CPED1: variants seen among roughly 807,000 people sequenced by gnomAD.
CPED1 encodes the protein cadherin-like and PC-esterase domain-containing protein 1.
CPED1 carries 114 observed loss-of-function variants against 128.2 expected under a neutral mutation model. The observed-to-expected ratio is 0.89, with a 90% confidence interval of 0.76 to 1.04. CPED1 has a LOEUF of 1.04. CPED1 is among the 50% of genes least tolerant of loss of function. The pLI is 0.00. For synonymous variants in CPED1, 462 were observed against 426.7 expected, an observed-to-expected ratio of 1.08 and a Z score of -1.02; for missense variants, 1,211 against 1,207.1, an observed-to-expected ratio of 1.00 and a Z score of -0.05.
intron 16 of CPED1, among the ~76,000 whole-genome samples, chr7:121,194,022 C>A (rs35419577): frequency 0.084 from 6,239 of 74,372 alleles, 270 homozygotes; most frequent in Non-Finnish European, 0.096. Flanking sequence ...CTCTCTCTCT[C>A]TATATATATA....
At chr7:121,000,396 T>C (rs1463583197) in intron 2 of CPED1, among the ~76,000 whole-genome samples, 1 of 152,176 alleles carries the variant, frequency 6.6e-6, no homozygotes, top group East Asian at 1.9e-4. Context: ...AATAAAAGAC[T>C]GAGTCGGCCA....
chr7:121,279,459 A>G (rs1193570865), intron 22 of CPED1, among the ~76,000 whole-genome samples: 1 of 133,690 alleles, frequency 7.5e-6, no homozygotes, highest in African/African-American at 2.8e-5. Context: ...ACCCCCCGCC[A>G]CAAAGAAAAA....
At chr7:121,247,404 G>A (rs1373356305) in intron 18 of CPED1, among the ~76,000 whole-genome samples, 2 of 152,188 alleles carry the variant, frequency 1.3e-5, no homozygotes, top group Non-Finnish European at 2.9e-5. Flanking sequence ...AGGTGAACAA[G>A]AGGGCCAGTG....
intron 5 of CPED1, among the ~76,000 whole-genome samples, chr7:121,065,021 C>G (rs990187699): frequency 3.3e-5 from 5 of 152,112 alleles, no homozygotes; most frequent in African/African-American, 9.7e-5. Flanking sequence ...AAACTTAGAT[C>G]TACATAGCTT....
At chr7:121,105,349 G>A (rs1794949299) in intron 7 of CPED1, among the ~76,000 whole-genome samples, 1 of 152,070 alleles carries the variant, frequency 6.6e-6, no homozygotes, top group Non-Finnish European at 1.5e-5. Flanking sequence ...AATGTCTTTG[G>A]AAGAAAGTAT....
intron 18 of CPED1, among the ~76,000 whole-genome samples, chr7:121,263,100 G>T (rs1284293260): frequency 1.3e-5 from 2 of 152,064 alleles, no homozygotes; most frequent in Non-Finnish European, 2.9e-5. Context: ...AGAAGAGCTT[G>T]TTGTGCAAAT....
intron 7 of CPED1, among the ~76,000 whole-genome samples, chr7:121,120,893 A>G (rs1352366794): frequency 6.6e-6 from 1 of 151,472 alleles, no homozygotes; most frequent in Admixed American, 6.6e-5. Flanking sequence ...TTGTTTATTC[A>G]ACAGTATTTA....
At chr7:121,267,114 C>T in intron 20 of CPED1, 101 bp from the exon 21 acceptor site, 1 of 706,352 alleles carries the variant, frequency 1.4e-6, no homozygotes. Flanking sequence ...TGCCAATTAT[C>T]ACATTCTGAA....
chr7:120,992,239 A>G (rs1368845705), intron 2 of CPED1, among the ~76,000 whole-genome samples: 1 of 152,168 alleles, frequency 6.6e-6, no homozygotes, highest in Non-Finnish European at 1.5e-5. Flanking sequence ...ATTTTATAGA[A>G]GTAGCATTGT....
rs1795882841 is a variant in CPED1, at chr7:121,140,761, T to C, written c.1700-66T>C. 4 of 1,127,516 alleles carry C rather than the reference T, an allele frequency of 3.5e-6. No individual in the cohort carries two copies. In the Admixed American group the frequency reaches 7.2e-5, roughly 20 times the overall value. 69.8% of individuals were successfully genotyped at this position (1,127,516 alleles called of 1,614,324 possible). On this transcript the variant is annotated intron_variant, in intron 14 of 22. Coordinates refer to ENST00000310396, the MANE Select transcript of CPED1 (RefSeq NM_024913.5). Reference sequence around the variant, plus strand: ...AAACAGAAAAAGAAAAACCTAATCATATATTATTTAAAGATATTTACCCAC... The same window carrying C: ...AAACAGAAAAAGAAAAACCTAATCACATATTATTTAAAGATATTTACCCAC...
intron 7 of CPED1, among the ~76,000 whole-genome samples, chr7:121,104,588 C>T (rs1225403315): frequency 2.6e-5 from 4 of 152,206 alleles, no homozygotes; most frequent in African/African-American, 9.6e-5. Flanking sequence ...GGCAGAAAAG[C>T]TTGTCCAAAG....
At chr7:121,210,459 G>C (rs1035472139) in intron 16 of CPED1, among the ~76,000 whole-genome samples, 3 of 151,882 alleles carry the variant, frequency 2.0e-5, no homozygotes, top group Non-Finnish European at 4.4e-5. Context: ...ATACACAATG[G>C]AGCACTATTC....
At chr7:121,061,074 G>A (rs1793656657) in intron 4 of CPED1, 1 of 154,482 alleles carries the variant, frequency 6.5e-6, no homozygotes, top group Non-Finnish European at 1.4e-5. Flanking sequence ...GAACACATCT[G>A]AATATCAGAA....
Position 121,133,858 on chromosome 7 carries a change from C to T in CPED1, c.1613C>T (p.Pro538Leu), listed in dbSNP as rs755317519. Residue 538 changes from proline to leucine, a missense_variant, in exon 13 of 23, where the codon CCA (proline) becomes CTA (leucine). Physicochemically the swap from Pro to Leu is moderately conservative, Grantham distance 98. Coordinates refer to ENST00000310396, the MANE Select transcript of CPED1 (RefSeq NM_024913.5). ...ACAGAAGATAAGAACATTGAAAAAC[C>T]ACAAGTGCCATTTGATGCAATAGAA... ...SFTEDKNIEKPQVPFDAIENK... is the reference protein window; with the variant it reads ...SFTEDKNIEKLQVPFDAIENK... 6.3e-7 allele frequency: 1 copy of T among 1,598,046 alleles called. No individual in the cohort carries two copies. Among genetic ancestry groups the T allele is most frequent in the Non-Finnish European group, 8.5e-7 (1 of 1,169,634 alleles).
chr7:121,128,523 C>A, intron 11 of CPED1, 37 bp downstream of exon 11: 1 of 1,093,864 alleles, frequency 9.1e-7, no homozygotes, highest in Non-Finnish European at 1.4e-6. Flanking sequence ...TTCTTGGTGA[C>A]TGGGATTAGA....
At chr7:121,041,128 C>A (rs1793041020) in intron 3 of CPED1, among the ~76,000 whole-genome samples, 1 of 151,994 alleles carries the variant, frequency 6.6e-6, no homozygotes, top group Admixed American at 6.6e-5. Context: ...GTTTTTCTTA[C>A]TATTATTCTA....
intron 16 of CPED1, among the ~76,000 whole-genome samples, chr7:121,213,807 C>T (rs983838437): frequency 6.6e-5 from 10 of 152,052 alleles, no homozygotes; most frequent in African/African-American, 1.9e-4. Flanking sequence ...CCAGTTTCTT[C>T]TAATGTTAAC....
Position 121,142,733 on chromosome 7 carries a change from C to T in CPED1, c.2055+592C>T, listed in dbSNP as rs142246778. ...ATGTTACCCTAACACTTTTGTTCTA[C>T]GGTTTTTCCCTATTTTTGCTCTTTT... On this transcript the variant is annotated intron_variant, in intron 16 of 22. Coordinates refer to ENST00000310396, the MANE Select transcript of CPED1 (RefSeq NM_024913.5). 2.0e-3 allele frequency among the ~76,000 whole-genome samples: 304 copies of T among 152,072 alleles called. 1 individual carries two copies. Among genetic ancestry groups the T allele is most frequent in the Middle Eastern group, 0.014 (4 of 294 alleles).
At chr7:121,081,532 G>A (rs757627232) in intron 5 of CPED1, among the ~76,000 whole-genome samples, 3 of 152,042 alleles carry the variant, frequency 2.0e-5, no homozygotes, top group Non-Finnish European at 2.9e-5. Context: ...GTGAAATATG[G>A]AACTTTCTCT....
Sources: allele counts gnomAD v4.1 joint callset (sites outside exome capture counted in the v4.1 genomes callset), GRCh38; gene constraint gnomAD v4.1.1; transcripts MANE v1.5; gene names NCBI Gene and HGNC (gene_info 2026-07-23, HGNC 2026-07-21).